OLA1: variants seen among roughly 807,000 people sequenced by gnomAD.
OLA1 encodes the protein obg-like ATPase 1.
OLA1 carries 14 observed loss-of-function variants against 48.4 expected under a neutral mutation model. That is an observed-to-expected ratio of 0.29 (90% confidence interval 0.19 to 0.45). The LOEUF (loss-of-function observed/expected upper bound fraction) is 0.45, where lower values mean the gene tolerates loss of function less well. Among genes scored for constraint, OLA1 ranks in the 20% least tolerant of loss-of-function variants. The pLI, the probability that OLA1 is intolerant of heterozygous loss-of-function variation, is 1.00. For synonymous variants in OLA1, 127 were observed against 150.4 expected (o/e 0.84, Z 1.14); for missense variants, 325 against 467.1 (o/e 0.70, Z 2.80).
At chr2:174,192,933 A>C (rs888945459) in intron 4 of OLA1, among the ~76,000 whole-genome samples, 1 of 151,836 alleles carries the variant, frequency 6.6e-6, no homozygotes, top group African/African-American at 2.4e-5. Flanking sequence ...TTTACCTTTC[A>C]TTTTAAGCAG....
At chr2:174,216,294 C>A (rs552125733) in intron 4 of OLA1, among the ~76,000 whole-genome samples, 2 of 152,142 alleles carry the variant, frequency 1.3e-5, no homozygotes, top group South Asian at 4.2e-4. Flanking sequence ...CAGAGCTAAA[C>A]CCTATCTCTA....
chr2:174,210,532 T>C (rs1302690036), intron 4 of OLA1, among the ~76,000 whole-genome samples: 1 of 152,168 alleles, frequency 6.6e-6, no homozygotes, highest in Non-Finnish European at 1.5e-5. Flanking sequence ...AACTGTCTAC[T>C]CATAAGGTAT....
intron 2 of OLA1, among the ~76,000 whole-genome samples, chr2:174,235,810 A>G (rs918608545): frequency 1.3e-5 from 2 of 152,192 alleles, no homozygotes; most frequent in Admixed American, 1.3e-4. Flanking sequence ...AGTAAATTCA[A>G]TCACTACAAG....
At chr2:174,201,647 T>C (rs1016536823) in intron 4 of OLA1, among the ~76,000 whole-genome samples, 8 of 152,194 alleles carry the variant, frequency 5.3e-5, no homozygotes, top group African/African-American at 1.9e-4. Flanking sequence ...GTATGCAAAA[T>C]GGGAATAGTA....
At position 174,079,077 on chromosome 2, in the gene OLA1, G is replaced by C; in HGVS notation, c.980C>G (p.Ala327Gly). 6.3e-7 allele frequency: 1 copy of C among 1,591,542 alleles called. No homozygotes were observed. The highest frequency in any genetic ancestry group is 1.1e-5 in the South Asian group (1 of 87,004). ...GTGAATCTTTCCTGCAGCCTGAGGA[G>C]CCTTAGTCCCTTTCTTTGAAAAGAA... is the stretch of plus-strand genomic sequence containing the variant. ...RAWTIRKGTK[A>G]PQAAGKIHTD... Residue 327 changes from alanine to glycine, a missense_variant, in exon 10 of 11, where the codon GCT becomes GGT. Coordinates refer to ENST00000284719, the MANE Select transcript of OLA1 (RefSeq NM_013341.5).
chr2:174,189,463 T>C (rs1457148346), intron 4 of OLA1, among the ~76,000 whole-genome samples: 1 of 151,636 alleles, frequency 6.6e-6, no homozygotes, highest in Non-Finnish European at 1.5e-5. Context: ...GAAAGAACAA[T>C]ACAATAAGGG....
At chr2:174,137,131 T>C (rs1686327723) in intron 5 of OLA1, among the ~76,000 whole-genome samples, 1 of 152,186 alleles carries the variant, frequency 6.6e-6, no homozygotes, top group African/African-American at 2.4e-5. Flanking sequence ...CCTTGATCTA[T>C]GGGTTGCAGA....
At chr2:174,246,410 G>A (rs1302114974) in intron 2 of OLA1, among the ~76,000 whole-genome samples, 6 of 151,994 alleles carry the variant, frequency 3.9e-5, no homozygotes, top group African/African-American at 9.7e-5. Flanking sequence ...TTTCCACTAC[G>A]AAATTCAAAA....
intron 7 of OLA1, among the ~76,000 whole-genome samples, chr2:174,106,301 A>G (rs1002880665): frequency 1.3e-5 from 2 of 152,146 alleles, no homozygotes; most frequent in African/African-American, 4.8e-5. Flanking sequence ...AAGTAAATAT[A>G]TTTTGTATTG....
chr2:174,121,620 T>C (rs1685916216), intron 7 of OLA1, among the ~76,000 whole-genome samples: 1 of 151,962 alleles, frequency 6.6e-6, no homozygotes, highest in Non-Finnish European at 1.5e-5. Context: ...TTCATACCTC[T>C]ACATTATTAT....
chr2:174,123,595 C>G lies in OLA1; in HGVS notation c.630G>C (p.Glu210Asp). 1 of 1,569,772 alleles carries G rather than the reference C, an allele frequency of 6.4e-7. No homozygotes were observed. Among genetic ancestry groups the G allele is most frequent in the Non-Finnish European group, 8.7e-7 (1 of 1,155,850 alleles). The change falls in exon 6 of 11, where the codon GAG (glutamate) becomes GAC (aspartate). Residue 210 changes from glutamate to aspartate, a missense_variant and splice_region_variant. Transcript: ENST00000284719. ...VRFYHDWNDK[E>D]IEVLNKHLFL... is the part of the protein sequence containing the mutation. ...AGATGGCATGATATTTACAACTTAC[C>G]TCTTTGTCATTCCAATCATGATAGA...
At chr2:174,211,660 C>A (rs1182276430) in intron 4 of OLA1, among the ~76,000 whole-genome samples, 1 of 152,126 alleles carries the variant, frequency 6.6e-6, no homozygotes, top group East Asian at 1.9e-4. Context: ...TCTCCCTCCA[C>A]CCCAGTTCTA....
chr2:174,237,119 G>C (rs746761272), intron 2 of OLA1, among the ~76,000 whole-genome samples: 1 of 151,882 alleles, frequency 6.6e-6, no homozygotes, highest in African/African-American at 2.4e-5. Context: ...CTGTATAGCT[G>C]TACAAAAATA....
At chr2:174,150,962 C>T (rs1408618001) in intron 4 of OLA1, among the ~76,000 whole-genome samples, 1 of 152,036 alleles carries the variant, frequency 6.6e-6, no homozygotes, top group Non-Finnish European at 1.5e-5. Context: ...CAGGAGAAAG[C>T]ATCAGATAAA....
rs751251227 is a variant in OLA1, at chr2:174,123,289, G to A, written c.631-12C>T. 7 of 1,254,282 alleles carry A rather than the reference G, an allele frequency of 5.6e-6. No individual in the cohort carries two copies. The highest frequency in any genetic ancestry group is 4.5e-5 in the Admixed American group (2 of 44,624). 77.7% of individuals were successfully genotyped at this position (1,254,282 alleles called of 1,614,324 possible). On this transcript the variant is annotated splice_polypyrimidine_tract_variant and intron_variant, in intron 6 of 10. Transcript: ENST00000284719. ...TTCAACACTTCAATCTAAAGTGGGA[G>A]ATGGAGAAAGAATCCCTTTTAAAAG...
Position 174,079,004 on chromosome 2 carries a change from T to C in OLA1, c.1053A>G (p.Glu351=), listed in dbSNP as rs373470937. The part of the protein sequence containing the change: ...GFIMAEVMKY[E]DFKEEGSENA... ...TTTCAGAACCTTCCTCTTTAAAATC[T>C]TCGTATTTCATTACTTCAGCCATAA... The change falls in exon 10 of 11, where the codon GAA becomes GAG. Residue 351 remains glutamate (E), a synonymous_variant. Transcript: ENST00000284719. The C allele has an allele frequency of 3.7e-6, 6 of 1,604,750 alleles. No individual in the cohort carries two copies. Among genetic ancestry groups the C allele is most frequent in the Non-Finnish European group, 5.1e-6 (6 of 1,176,310 alleles).
intron 4 of OLA1, among the ~76,000 whole-genome samples, chr2:174,193,059 TG>T (rs1325923224): frequency 5.3e-5 from 8 of 151,746 alleles, no homozygotes; most frequent in African/African-American, 1.9e-4. Context: ...GGAAAATTCT[TG>T]GTCATTATTT....
intron 2 of OLA1, among the ~76,000 whole-genome samples, chr2:174,235,456 G>A (rs777158246): frequency 6.6e-6 from 1 of 152,164 alleles, no homozygotes; most frequent in Non-Finnish European, 1.5e-5. Context: ...GCTACAAAGA[G>A]CTAGAAAACC....
At chr2:174,211,180 AACACAC>A (rs10563036) in intron 4 of OLA1, among the ~76,000 whole-genome samples, 57 of 148,362 alleles carry the variant, frequency 3.8e-4, no homozygotes, top group South Asian at 4.3e-4. Flanking sequence ...TCCTCCCCAC[AACACAC>A]ACACACACAC....
Sources: allele counts gnomAD v4.1 joint callset (sites outside exome capture counted in the v4.1 genomes callset), GRCh38; gene constraint gnomAD v4.1.1; transcripts MANE v1.5; gene names NCBI Gene and HGNC (gene_info 2026-07-23, HGNC 2026-07-21).